FAM131C: variants seen among roughly 807,000 people sequenced by gnomAD.
The protein encoded by FAM131C is protein FAM131C.
FAM131C carries 14 observed loss-of-function variants against 29.8 expected under a neutral mutation model. The ratio of observed to expected loss-of-function variants is 0.47; its 90% CI spans 0.31 to 0.73. The LOEUF is 0.73. FAM131C is among the 30% of genes least tolerant of loss of function. The pLI is 0.05. For missense variants in FAM131C, 252 were observed against 383.8 expected (o/e 0.66, Z 2.87); for synonymous variants, 86 against 157.8 (o/e 0.54, Z 3.41).
At chr1:16,066,316 A>G (rs1028431331) in intron 1 of FAM131C, among the ~76,000 whole-genome samples, 4 of 152,222 alleles carry the variant, frequency 2.6e-5, no homozygotes, top group Non-Finnish European at 5.9e-5. Context: ...GGAGCCAAGG[A>G]AAGATCTTAT....
intron 1 of FAM131C, among the ~76,000 whole-genome samples, chr1:16,071,210 T>A (rs1244643325): frequency 6.6e-6 from 1 of 151,634 alleles, no homozygotes; most frequent in Non-Finnish European, 1.5e-5. Flanking sequence ...AGCCTGCAGC[T>A]CCAGGAGAGT....
Position 16,067,761 on chromosome 1 carries a change from A to G in FAM131C, c.23-4125T>C, listed in dbSNP as rs1444862588. On this transcript the variant is annotated intron_variant, in intron 1 of 6. Transcript: ENST00000375662. ...CTAAACCCCTCTTGTTGCAGTTCCC[A>G]TACTGGTTGGTCTTCTCTACTTGAT... 8.5e-5 allele frequency among the ~76,000 whole-genome samples: 13 copies of G among 152,150 alleles called. No individual in the cohort carries two copies. The South Asian group carries it at 2.7e-3, about 32-fold the overall frequency.
chr1:16,059,537 C>G lies in FAM131C; in HGVS notation c.519G>C (p.Glu173Asp). 6.2e-7 allele frequency: 1 copy of G among 1,607,926 alleles called. No individual in the cohort carries two copies. The highest frequency in any genetic ancestry group is 8.5e-7 in the Non-Finnish European group (1 of 1,177,692). Residue 173 changes from glutamate (E) to aspartate (D), a missense_variant, in exon 6 of 7, where the codon GAG (glutamate) becomes GAC (aspartate). Glu to Asp is a conservative substitution (Grantham distance 45). Coordinates refer to ENST00000375662, the MANE Select transcript of FAM131C (RefSeq NM_182623.3). ...CTTGGGGGCTGTTCTCGGGGTGCAG[C>G]TCCTCTTCGTCCAGCGAGGACCAAG... ...LSAWSSLDEE[E>D]LHPENSPQGI...
Position 16,062,391 on chromosome 1 carries a change from C to T in FAM131C, c.174+108G>A, listed in dbSNP as rs1252363722. On this transcript the variant is annotated intron_variant, in intron 3 of 6. Transcript: ENST00000375662. The stretch of plus-strand genomic sequence containing the variant: ...CACTGTTTCATCAGGCCCCCCCCCC[C>T]CCCGCCCCAGGGCCAGCAGGACTGT... The T allele has an allele frequency of 2.0e-5, 26 of 1,283,066 alleles. No homozygotes were observed. The East Asian group carries it at 5.3e-4, about 26-fold the overall frequency. 79.5% of individuals were successfully genotyped at this position (1,283,066 alleles called of 1,614,324 possible). A position where few individuals can be genotyped will look rare whatever the true frequency, so the allele number is the denominator to read the frequency against.
Position 16,062,143 on chromosome 1 carries a change from G to T in FAM131C, c.224C>A (p.Pro75His), listed in dbSNP as rs2124126866. ...NGYLSDSRSR[P>H]GNYNVAALAT... ...CAGGGCTGCCACGTTGTAGTTGCCG[G>T]GGCGGGATCTGGAGTCGGACAGGTA... The change falls in exon 4 of 7, where the codon CCC (proline) becomes CAC (histidine). Residue 75 changes from proline to histidine, a missense_variant. Coordinates refer to ENST00000375662, the MANE Select transcript of FAM131C (RefSeq NM_182623.3). The T allele has an allele frequency of 6.2e-7, 1 of 1,611,926 alleles. No individual in the cohort carries two copies. Among genetic ancestry groups the T allele is most frequent in the East Asian group, 2.2e-5 (1 of 44,878 alleles).
chr1:16,063,674 C>T, intron 1 of FAM131C, 38 bp from the exon 2 acceptor site: 1 of 1,424,064 alleles, frequency 7.0e-7, no homozygotes, highest in Non-Finnish European at 9.7e-7. Context: ...CAGCAAAGCC[C>T]AGCCCTCTCT....
Position 16,073,562 on chromosome 1 carries a change from G to A in FAM131C, c.-120C>T, listed in dbSNP as rs1346213731. The A allele has an allele frequency of 2.6e-5, 11 of 430,084 alleles. No homozygotes were observed. The highest frequency in any genetic ancestry group is 1.7e-4 in the African/African-American group (8 of 47,404). The allele number at this position is 430,084 out of a possible 1,614,324, so 26.6% of individuals were successfully genotyped here. On this transcript the variant is annotated 5_prime_UTR_variant, in exon 1 of 7. Coordinates refer to ENST00000375662, the MANE Select transcript of FAM131C (RefSeq NM_182623.3). ...AGAGGACGGGCGGGGCGGGGGGCTC[G>A]GGCGCCCTCAGCTCGGCCTCAGCTC...
At position 16,063,564 on chromosome 1, in the gene FAM131C, G is replaced by C; in HGVS notation, c.95C>G (p.Ser32Trp). The C allele has an allele frequency of 6.2e-7, 1 of 1,613,938 alleles. No homozygotes were observed. Among genetic ancestry groups the C allele is most frequent in the Non-Finnish European group, 8.5e-7 (1 of 1,179,882 alleles). ...TGGAGCCACGGTGGGAGTGCGGCCCGAGGGCAGATCTGGGTTCAAGGGGTC... is the reference window on the plus strand; with the variant it reads ...TGGAGCCACGGTGGGAGTGCGGCCCCAGGGCAGATCTGGGTTCAAGGGGTC... ...GADPLNPDLP[S>W]GRTPTVAPDC... is the part of the protein sequence containing the mutation. The change falls in exon 2 of 7, where the codon TCG (serine) becomes TGG (tryptophan). Residue 32 changes from serine (S) to tryptophan (W), a missense_variant. Coordinates refer to ENST00000375662, the MANE Select transcript of FAM131C (RefSeq NM_182623.3).
intron 1 of FAM131C, among the ~76,000 whole-genome samples, chr1:16,065,184 GGATT>G (rs2023665778): frequency 6.6e-6 from 1 of 151,492 alleles, no homozygotes; most frequent in Non-Finnish European, 1.5e-5. Context: ...GGGCAAAAGA[GGATT>G]CCCAATTCCA....
At chr1:16,064,771 C>T (rs1271098490) in intron 1 of FAM131C, among the ~76,000 whole-genome samples, 1 of 152,236 alleles carries the variant, frequency 6.6e-6, no homozygotes, top group African/African-American at 2.4e-5. Context: ...TCGTCCTCCA[C>T]TTCTCCTCCA....
chr1:16,061,673 C>A (rs1271836859), intron 4 of FAM131C, among the ~76,000 whole-genome samples: 2 of 152,088 alleles, frequency 1.3e-5, no homozygotes, highest in Non-Finnish European at 2.9e-5. Context: ...TAGACTCCTG[C>A]AGAGCCCCTT....
At chr1:16,065,930 C>T (rs898421641) in intron 1 of FAM131C, among the ~76,000 whole-genome samples, 20 of 151,686 alleles carry the variant, frequency 1.3e-4, no homozygotes, top group Non-Finnish European at 2.6e-4. Flanking sequence ...GACAGAATCT[C>T]GCTCTGTCAC....
intron 2 of FAM131C, among the ~76,000 whole-genome samples, chr1:16,063,148 T>C (rs1040332059): frequency 1.4e-5 from 2 of 143,826 alleles, no homozygotes; most frequent in African/African-American, 5.4e-5. Flanking sequence ...AAATTATATA[T>C]AATATATATA....
At chr1:16,068,053 T>C (rs2023703184) in intron 1 of FAM131C, among the ~76,000 whole-genome samples, 1 of 152,240 alleles carries the variant, frequency 6.6e-6, no homozygotes, top group African/African-American at 2.4e-5. Context: ...CGTCCCCTCA[T>C]GCTCCTCCCC....
intron 4 of FAM131C, among the ~76,000 whole-genome samples, chr1:16,060,883 C>A (rs1050220714): frequency 6.6e-6 from 1 of 152,066 alleles, no homozygotes; most frequent in African/African-American, 2.4e-5. Context: ...GGAAGAGCAA[C>A]CCAGTTGGAG....
Position 16,073,414 on chromosome 1 carries a change from C to A in FAM131C, c.22+7G>T. On this transcript the variant is annotated splice_region_variant and intron_variant, in intron 1 of 6. Transcript: ENST00000375662. Reference sequence around the variant, plus strand: ...CGATCCCCCCGCCCCCGGCCGGGCCCCCTCACCTCGCGACACGCAGGAGCC... The same window carrying A: ...CGATCCCCCCGCCCCCGGCCGGGCCACCTCACCTCGCGACACGCAGGAGCC... 1 of 1,211,732 alleles carries A rather than the reference C, an allele frequency of 8.3e-7. No homozygotes were observed. The highest frequency in any genetic ancestry group is 1.0e-6 in the Non-Finnish European group (1 of 974,164). 75.1% of individuals were successfully genotyped at this position (1,211,732 alleles called of 1,614,324 possible). A position where few individuals can be genotyped will look rare whatever the true frequency, so the allele number is the denominator to read the frequency against.
chr1:16,058,975 GC>G (rs2023540786), intron 6 of FAM131C, among the ~76,000 whole-genome samples: 1 of 152,168 alleles, frequency 6.6e-6, no homozygotes, highest in African/African-American at 2.4e-5. Flanking sequence ...GCTCCTCTGG[GC>G]CTCTGTCCCC....
At position 16,058,476 on chromosome 1, in the gene FAM131C, G is replaced by C. The variant is rs561603527; in HGVS notation, c.804C>G (p.Ser268Arg). ...HPPGSLPSMD[S>R]GSLWEEDEVF... ...CCTCGTCCTCCTCCCAGAGGGAGCC[G>C]CTGTCCATGGAGGGGAGGGAGCCCG... Residue 268 changes from serine to arginine, a missense_variant, in exon 7 of 7, where the codon AGC (serine) becomes AGG (arginine). Ser to Arg is a moderately radical substitution (Grantham distance 110). Coordinates refer to ENST00000375662, the MANE Select transcript of FAM131C (RefSeq NM_182623.3). 3 of 1,487,436 alleles carry C rather than the reference G, an allele frequency of 2.0e-6. No homozygotes were observed. In the African/African-American group the frequency reaches 4.2e-5, roughly 21 times the overall value. 92.1% of individuals were successfully genotyped at this position (1,487,436 alleles called of 1,614,324 possible).
intron 1 of FAM131C, among the ~76,000 whole-genome samples, chr1:16,068,815 C>T (rs965151237): frequency 1.3e-5 from 2 of 152,220 alleles, no homozygotes; most frequent in African/African-American, 4.8e-5. Flanking sequence ...CATCCTGTGA[C>T]CTGGCCTCTG....
Sources: gnomAD v4.1 joint callset for allele counts (sites outside exome capture counted in the v4.1 genomes callset) on GRCh38, gnomAD v4.1.1 for gene constraint, MANE v1.5 for transcripts, NCBI Gene and HGNC (gene_info 2026-07-23, HGNC 2026-07-21) for gene names.